Variants in TEX9 observed in about 807,000 individuals in gnomAD.
TEX9 encodes the protein testis expressed 9.
A neutral mutation model predicts 59.6 loss-of-function variants in TEX9; 74 were observed. The ratio of observed to expected loss-of-function variants is 1.24; its 90% CI spans 1.03 to 1.51. TEX9 has a LOEUF of 1.51. Among genes scored for constraint, TEX9 ranks in the 40% most tolerant of loss-of-function variants. The probability of loss-of-function intolerance (pLI) is 0.00; values close to 1 mark genes in which losing one functional copy is unlikely to be tolerated. For synonymous variants in TEX9, 186 were observed against 152.2 expected (o/e 1.22, Z -1.64); for missense variants, 522 against 447.8 (o/e 1.17, Z -1.49).
chr15:56,325,015 TA>T (rs2045993215), intron 1 of TEX9, among the ~76,000 whole-genome samples: 1 of 152,192 alleles, frequency 6.6e-6, no homozygotes, highest in Admixed American at 6.5e-5. Context: ...AAGGTTCCAA[TA>T]GAGCCTAATA....
chr15:56,333,210 C>CA (rs1451353393), intron 1 of TEX9, among the ~76,000 whole-genome samples: 1 of 151,904 alleles, frequency 6.6e-6, no homozygotes, highest in Non-Finnish European at 1.5e-5. Context: ...AAAGACACAT[C>CA]AAAAAAGAAA....
At chr15:56,432,483 T>A (rs1161188274) in intron 12 of TEX9, among the ~76,000 whole-genome samples, 1 of 151,968 alleles carries the variant, frequency 6.6e-6, no homozygotes, top group East Asian at 1.9e-4. Context: ...GTATAATGAG[T>A]TTCATCACGA....
At chr15:56,361,666 T>C (rs1355265206), upstream of TEX9, among the ~76,000 whole-genome samples, 1 of 151,700 alleles carries the variant, frequency 6.6e-6, no homozygotes, top group Non-Finnish European at 1.5e-5. Context: ...TCTTTACAGA[T>C]GTAATCACGT....
chr15:56,365,329 G>C, upstream of TEX9: 1 of 1,327,122 alleles, frequency 7.5e-7, no homozygotes, highest in South Asian at 1.5e-5. Flanking sequence ...GGCTCGCGCC[G>C]CTCGCAGCAC....
At chr15:56,381,713 C>G (rs1291792122) in intron 3 of TEX9, among the ~76,000 whole-genome samples, 3 of 152,212 alleles carry the variant, frequency 2.0e-5, no homozygotes, top group African/African-American at 7.2e-5. Context: ...AATGGAGTCT[C>G]TTTCTCTCTG....
At chr15:56,425,479 C>T (rs376697942) in intron 10 of TEX9, among the ~76,000 whole-genome samples, 1 of 152,084 alleles carries the variant, frequency 6.6e-6, no homozygotes, top group African/African-American at 2.4e-5. Context: ...CTTTCTTATA[C>T]CTGTACAGCT....
At chr15:56,455,572 C>T in the TEX9 span, among the ~76,000 whole-genome samples, 1 of 152,104 alleles carries the variant, frequency 6.6e-6, no homozygotes, top group Admixed American at 6.5e-5. Context: ...CCAATATATT[C>T]AATTACATAA....
chr15:56,417,828 T>C (rs953703040), intron 10 of TEX9, among the ~76,000 whole-genome samples: 10 of 151,954 alleles, frequency 6.6e-5, no homozygotes, highest in Non-Finnish European at 1.3e-4. Flanking sequence ...TGTCTCTTTG[T>C]AGGTTTCTAA....
intron 10 of TEX9, among the ~76,000 whole-genome samples, chr15:56,425,077 G>C (rs1055532555): frequency 6.6e-6 from 1 of 151,906 alleles, no homozygotes; most frequent in South Asian, 2.1e-4. Context: ...CTGACTTCTG[G>C]CCTGTAAAGT....
intron 1 of TEX9, among the ~76,000 whole-genome samples, chr15:56,350,102 TC>T (rs1477866910): frequency 6.6e-6 from 1 of 152,206 alleles, no homozygotes; most frequent in Non-Finnish European, 1.5e-5. Context: ...TGTGTATATT[TC>T]TTTTTCAAGA....
chr15:56,456,619 G>C, the TEX9 span: 1 of 1,147,962 alleles, frequency 8.7e-7, no homozygotes, highest in Non-Finnish European at 1.3e-6. Context: ...ATGCCTTAAG[G>C]CCAACAATTG....
chr15:56,378,704 GCT>G (rs1438935012), intron 3 of TEX9, among the ~76,000 whole-genome samples: 2 of 150,714 alleles, frequency 1.3e-5, no homozygotes, highest in African/African-American at 4.9e-5. Flanking sequence ...ATTTATTTTT[GCT>G]CTGATCTTCA....
At chr15:56,271,963 C>T (rs1596056912) in intron 1 of TEX9, among the ~76,000 whole-genome samples, 1 of 152,140 alleles carries the variant, frequency 6.6e-6, no homozygotes, top group African/African-American at 2.4e-5. Context: ...CACGGTGAAA[C>T]CCTGTCTCTA....
intron 8 of TEX9, 33 bp from the exon 9 acceptor site, chr15:56,394,628 T>A: frequency 7.0e-7 from 1 of 1,423,510 alleles, no homozygotes; most frequent in Non-Finnish European, 9.6e-7. Flanking sequence ...TCTTACATAT[T>A]TTTTCACATA....
chr15:56,427,802 C>CAAA, intron 11 of TEX9, 63 bp downstream of exon 11: 1 of 1,296,664 alleles, frequency 7.7e-7, no homozygotes, highest in African/African-American at 1.5e-5. Context: ...AAAAATTTAG[C>CAAA]ATTTTTCACT....
intron 12 of TEX9, among the ~76,000 whole-genome samples, chr15:56,443,140 T>A (rs1373208217): frequency 1.3e-5 from 2 of 152,210 alleles, no homozygotes; most frequent in East Asian, 3.8e-4. Flanking sequence ...AGTGTCTGTA[T>A]GTTACGTATC....
rs143575516 is a variant in TEX9, at chr15:56,407,058, A to T, written c.829-5244A>T. Among the ~76,000 whole-genome samples, 11 of 151,998 alleles carry T rather than the reference A, an allele frequency of 7.2e-5. No homozygotes were observed. The East Asian group carries it at 2.1e-3, about 29-fold the overall frequency. ...CCAAAGTCATGAGACTTTTCTCCTG[A>T]TTTCTTCTAGAAGTGTTATAGTGTT... On this transcript the variant is annotated intron_variant, in intron 9 of 12. Coordinates refer to ENST00000352903, the Ensembl canonical transcript of TEX9.
chr15:56,425,016 G>A (rs912864804), intron 10 of TEX9, among the ~76,000 whole-genome samples: 1 of 152,096 alleles, frequency 6.6e-6, no homozygotes, highest in Non-Finnish European at 1.5e-5. Flanking sequence ...TTTGCTGGAT[G>A]TAGTATTCTT....
intron 3 of TEX9, among the ~76,000 whole-genome samples, chr15:56,375,053 TG>T (rs1213947300): frequency 6.6e-6 from 1 of 152,160 alleles, no homozygotes; most frequent in Non-Finnish European, 1.5e-5. Flanking sequence ...CTGGGTCAAA[TG>T]GTATTTCTAG....
Sources: allele counts gnomAD v4.1 joint callset (sites outside exome capture counted in the v4.1 genomes callset), GRCh38; gene constraint gnomAD v4.1.1; transcripts MANE v1.5; gene names NCBI Gene and HGNC (gene_info 2026-07-23, HGNC 2026-07-21).